Variants in ANKHD1 observed in about 807,000 individuals in gnomAD.
ANKHD1 encodes the protein ankyrin repeat and KH domain-containing protein 1.
Under a neutral mutation model 230.5 loss-of-function variants are expected in ANKHD1, and 31 were observed. That is an observed-to-expected ratio of 0.13 (90% CI 0.10 to 0.18). ANKHD1 has a LOEUF of 0.18. Ranked by LOEUF, ANKHD1 falls within the 10% of genes least tolerant of loss-of-function variation. The pLI is 1.00. For synonymous variants in ANKHD1, 1,074 were observed against 1,117.6 expected (o/e 0.96, Z 0.78); for missense variants, 2,256 against 3,071.3 (o/e 0.73, Z 6.27).
intron 1 of ANKHD1, among the ~76,000 whole-genome samples, chr5:140,406,551 C>T (rs1324487738): frequency 6.6e-6 from 1 of 151,372 alleles, no homozygotes; most frequent in Admixed American, 6.6e-5. Flanking sequence ...GGACTCACAT[C>T]TTTCAGTACA....
At chr5:140,404,433 T>G (rs1054282049) in intron 1 of ANKHD1, among the ~76,000 whole-genome samples, 23 of 150,048 alleles carry the variant, frequency 1.5e-4, no homozygotes, top group Admixed American at 6.6e-4. Flanking sequence ...TAATTTTTTG[T>G]TTTTTTTGTT....
chr5:140,496,458 T>TTTA, intron 14 of ANKHD1, 62 bp from the exon 15 acceptor site: 1 of 1,187,624 alleles, frequency 8.4e-7, no homozygotes, highest in East Asian at 3.2e-5. Context: ...TTTTTTTTCT[T>TTTA]TTCTTTTTTT....
chr5:140,496,443 C>CTTTTT (rs368980981), intron 14 of ANKHD1, 77 bp from the exon 15 acceptor site: 15 of 720,714 alleles, frequency 2.1e-5, no homozygotes, highest in East Asian at 1.1e-4. Context: ...GGCTGGTTTT[C>CTTTTT]TTTTTTTTTT....
At chr5:140,516,587 T>A (rs1753023399) in intron 24 of ANKHD1, among the ~76,000 whole-genome samples, 1 of 151,956 alleles carries the variant, frequency 6.6e-6, no homozygotes, top group African/African-American at 2.4e-5. Flanking sequence ...TAACAGCAGA[T>A]CTCTCGGCAG....
At position 140,505,198 on chromosome 5, in the gene ANKHD1, C is replaced by G; in HGVS notation, c.3227C>G (p.Ala1076Gly). The part of the protein sequence containing the change: ...GHEELVSVLI[A>G]RDAKIEHRDK... ...GAAGAACTTGTATCTGTGCTCATTG[C>G]ACGGGATGCCAAAATTGAACACAGA... Residue 1076 changes from alanine to glycine, a missense_variant, in exon 17 of 34, where the codon GCA becomes GGA. This residue lies in a region of ANKHD1 where 63 missense variants were observed against 125.5 expected (regional missense o/e 0.50). Transcript: ENST00000360839. The G allele has an allele frequency of 6.2e-7, 1 of 1,614,088 alleles. No homozygotes were observed. The highest frequency in any genetic ancestry group is 8.5e-7 in the Non-Finnish European group (1 of 1,179,998).
chr5:140,432,375 T>C (rs996970480), intron 1 of ANKHD1, among the ~76,000 whole-genome samples: 1 of 152,218 alleles, frequency 6.6e-6, no homozygotes, highest in Admixed American at 6.5e-5. Flanking sequence ...CTAAACATAA[T>C]GTTTTCAAGG....
At chr5:140,435,263 T>A (rs1412954570) in intron 1 of ANKHD1, among the ~76,000 whole-genome samples, 1 of 152,160 alleles carries the variant, frequency 6.6e-6, no homozygotes, top group Non-Finnish European at 1.5e-5. Context: ...TAATGACCTA[T>A]CTATGCTATC....
intron 7 of ANKHD1, among the ~76,000 whole-genome samples, chr5:140,457,058 C>T (rs934575437): frequency 3.3e-5 from 5 of 152,180 alleles, no homozygotes; most frequent in Admixed American, 1.3e-4. Flanking sequence ...TGAACAGACA[C>T]TTCTCAAAAG....
Position 140,441,096 on chromosome 5 carries a change from A to G in ANKHD1, c.867A>G (p.Lys289=), listed in dbSNP as rs752158402. The G allele has an allele frequency of 1.2e-6, 2 of 1,609,978 alleles. No homozygotes were observed. The highest frequency in any genetic ancestry group is 1.7e-6 in the Non-Finnish European group (2 of 1,178,568). ...ASSGGYLDIV[K]LLLLHDADVN... ...GTGGAGGTTACTTAGATATTGTGAA[A>G]TTATTACTTCTTCATGATGCTGATG... The change falls in exon 5 of 34, where the codon AAA becomes AAG. Residue 289 remains lysine, a synonymous_variant. Transcript: ENST00000360839.
In ANKHD1 at chr5:140,486,961, C is replaced by T. The variant is rs763253196; in HGVS notation, c.2146C>T (p.Pro716Ser). Residue 716 changes from proline (P) to serine (S), a missense_variant, in exon 14 of 34, where the codon CCA becomes TCA. By Grantham distance (74) the Pro-to-Ser change is moderately conservative. Coordinates refer to ENST00000360839, the MANE Select transcript of ANKHD1 (RefSeq NM_017747.3). ...PPPSQDQSQV[P>S]RVPTHTLAMV... ...TTTTTCTGAGTTGACTTTTTAGGTGCCACGTGTGCCAACGCATACACTTGC... is the reference window on the plus strand; with the variant it reads ...TTTTTCTGAGTTGACTTTTTAGGTGTCACGTGTGCCAACGCATACACTTGC... 2 of 1,608,414 alleles carry T rather than the reference C, an allele frequency of 1.2e-6. No homozygotes were observed. Among genetic ancestry groups the T allele is most frequent in the Admixed American group, 1.7e-5 (1 of 59,216 alleles).
chr5:140,437,519 A>G (rs565513794), intron 2 of ANKHD1, among the ~76,000 whole-genome samples: 1 of 152,338 alleles, frequency 6.6e-6, no homozygotes, highest in African/African-American at 2.4e-5. Flanking sequence ...CCTGGCCCAC[A>G]TGGTGAAACC....
In ANKHD1 at chr5:140,528,032, C is replaced by T. The variant is rs1178751704; in HGVS notation, c.5237+10C>T. On this transcript the variant is annotated intron_variant, in intron 28 of 33. Transcript: ENST00000360839. ...GAATGATCACAATAAGGTAATTGTG[C>T]AAAATGTATACTGCTAGTTCTGAGT... 3.7e-6 allele frequency: 6 copies of T among 1,611,460 alleles called. No homozygotes were observed. The highest frequency in any genetic ancestry group is 4.5e-5 in the East Asian group (2 of 44,806).
intron 24 of ANKHD1, among the ~76,000 whole-genome samples, chr5:140,513,804 C>T (rs562779887): frequency 2.0e-3 from 149 of 75,656 alleles, no homozygotes; most frequent in African/African-American, 6.3e-3. Context: ...GCGAGACTGT[C>T]TCAAAAAAAA....
chr5:140,505,301 G>A (rs140112736), intron 17 of ANKHD1, 68 bp downstream of exon 17: 1 of 1,491,654 alleles, frequency 6.7e-7, no homozygotes, highest in Non-Finnish European at 9.2e-7. Flanking sequence ...TTTTATTATT[G>A]ATAAATAGTT....
At chr5:140,534,159 G>A (rs1369632462) in intron 29 of ANKHD1, among the ~76,000 whole-genome samples, 2 of 152,134 alleles carry the variant, frequency 1.3e-5, no homozygotes, top group South Asian at 2.1e-4. Context: ...TTGGGAGGCC[G>A]AGGCGGGTGG....
At position 140,506,484 on chromosome 5, in the gene ANKHD1, G is replaced by T. The variant is rs1438902380; in HGVS notation, c.3409-351G>T. ...CCATAAATCCCCTTTTAAAAAATCT[G>T]TTTCTTGCCCTTAAAGCCAAATAAA... is the stretch of plus-strand genomic sequence containing the variant. On this transcript the variant is annotated intron_variant, in intron 18 of 33. Coordinates refer to ENST00000360839, the MANE Select transcript of ANKHD1 (RefSeq NM_017747.3). The surrounding 1 kb of genome is among the most constrained non-coding windows in gnomAD (Gnocchi z 4.7). Among the ~76,000 whole-genome samples the T allele has an allele frequency of 6.6e-6, 1 of 152,148 alleles. No homozygotes were observed. Among genetic ancestry groups the T allele is most frequent in the Non-Finnish European group, 1.5e-5 (1 of 68,024 alleles).
rs1487261724 is a variant in ANKHD1, at chr5:140,485,335, T to C, written c.1998+87T>C. On this transcript the variant is annotated intron_variant, in intron 12 of 33. Transcript: ENST00000360839. The surrounding 1 kb of genome is among the most constrained non-coding windows in gnomAD (Gnocchi z 4.8). ...ACTTTAGAAAGCTGAGGCGGGTGGATCACTTGAGCCCAGGAGTTTGAGACT... is the reference window on the plus strand; with the variant it reads ...ACTTTAGAAAGCTGAGGCGGGTGGACCACTTGAGCCCAGGAGTTTGAGACT... 3 of 1,485,064 alleles carry C rather than the reference T, an allele frequency of 2.0e-6. No individual in the cohort carries two copies. Among genetic ancestry groups the C allele is most frequent in the Non-Finnish European group, 2.7e-6 (3 of 1,115,460 alleles). 92.0% of individuals were successfully genotyped at this position (1,485,064 alleles called of 1,614,324 possible).
intron 1 of ANKHD1, among the ~76,000 whole-genome samples, chr5:140,424,326 C>G (rs1772233566): frequency 1.3e-5 from 2 of 152,046 alleles, no homozygotes; most frequent in Non-Finnish European, 2.9e-5. Flanking sequence ...TTCTGTCATC[C>G]AGGCTGGAAT....
At chr5:140,525,324 G>A (rs1753553269) in intron 25 of ANKHD1, among the ~76,000 whole-genome samples, 2 of 151,836 alleles carry the variant, frequency 1.3e-5, no homozygotes, top group South Asian at 4.2e-4. Flanking sequence ...GTGCAGTGGT[G>A]CAATCTCGGC....
Sources: allele counts gnomAD v4.1 joint callset (sites outside exome capture counted in the v4.1 genomes callset), GRCh38; gene constraint gnomAD v4.1.1; regional missense constraint gnomAD v4.1.1; non-coding constraint Gnocchi (gnomAD v3.1); transcripts MANE v1.5; gene names NCBI Gene and HGNC (gene_info 2026-07-23, HGNC 2026-07-21).